The following EFCAB8 variants were observed in gnomAD, a reference collection of about 807,000 sequenced individuals.
EFCAB8 encodes EF-hand calcium-binding domain-containing protein 8.
In EFCAB8, 100 loss-of-function variants were observed where a neutral mutation model predicts 116.3. The ratio of observed to expected loss-of-function variants is 0.86; its 90% confidence interval spans 0.73 to 1.02. EFCAB8 has a LOEUF of 1.02. Among genes scored for constraint, EFCAB8 ranks in the 50% least tolerant of loss-of-function variants. The pLI is 0.00. For missense variants in EFCAB8, 1,320 were observed against 1,416.9 expected, an observed-to-expected ratio of 0.93 and a Z score of 1.10; for synonymous variants, 558 against 567.9, an observed-to-expected ratio of 0.98 and a Z score of 0.25.
At chr20:32,861,001 T>C (rs1984085500) in intron 1 of EFCAB8, among the ~76,000 whole-genome samples, 1 of 151,950 alleles carries the variant, frequency 6.6e-6, no homozygotes. Flanking sequence ...TGGCCTCAAG[T>C]GTTGGCATTA....
At chr20:32,938,612 A>T (rs1279296690) in intron 22 of EFCAB8, among the ~76,000 whole-genome samples, 1 of 149,918 alleles carries the variant, frequency 6.7e-6, no homozygotes. Flanking sequence ...TAAATATACA[A>T]AACCAATATA....
chr20:32,875,907 C>G lies in EFCAB8; in HGVS notation c.209-19C>G, dbSNP rs942427935. On this transcript the variant is annotated intron_variant, in intron 3 of 26. Transcript: ENST00000400522. ...GACTTGTGAGGAAGGGGATGATGCTCTCTGTTCTCTCTTTGAAGCCCTGGG... is the reference window on the plus strand; with the variant it reads ...GACTTGTGAGGAAGGGGATGATGCTGTCTGTTCTCTCTTTGAAGCCCTGGG... 17 of 1,549,200 alleles carry G rather than the reference C, an allele frequency of 1.1e-5. No individual in the cohort carries two copies. In the Admixed American group the frequency reaches 1.2e-4, roughly 11 times the overall value.
chr20:32,932,361 C>A lies in EFCAB8; in HGVS notation c.2790+1025C>A, dbSNP rs535369513. 2.1e-5 allele frequency among the ~76,000 whole-genome samples: 3 copies of A among 140,036 alleles called. No individual in the cohort carries two copies. The East Asian group carries it at 5.8e-4, about 27-fold the overall frequency. The allele number at this position is 140,036 out of a possible 152,430, so 91.9% of individuals were successfully genotyped here. ...CGTTGCCCTCCAGCCTGGGCGACAG[C>A]GTGTGACTCTGTCTCAAAAAAAAAA... On this transcript the variant is annotated intron_variant, in intron 22 of 26. Coordinates refer to ENST00000400522, the MANE Select transcript of EFCAB8 (RefSeq NM_001143967.2).
chr20:32,957,668 G>A (rs1203163376), intron 23 of EFCAB8, among the ~76,000 whole-genome samples: 13 of 152,008 alleles, frequency 8.6e-5, no homozygotes, highest in East Asian at 3.9e-4. Flanking sequence ...GCATTCAGGC[G>A]AGACTTAATT....
chr20:32,889,180 G>A (rs1985787261), intron 6 of EFCAB8, 121 bp from the exon 7 acceptor site: 2 of 780,308 alleles, frequency 2.6e-6, no homozygotes, highest in Non-Finnish European at 4.2e-6. Flanking sequence ...TAGTGGTAGT[G>A]CTAGGCTCCA....
At chr20:32,875,830 T>TC (rs1269090098) in intron 3 of EFCAB8, 96 bp from the exon 4 acceptor site, 4 of 1,089,638 alleles carry the variant, frequency 3.7e-6, no homozygotes, top group Non-Finnish European at 5.4e-6. Flanking sequence ...CTTCAGTGTG[T>TC]CCCCCTCAGC....
intron 20 of EFCAB8, 24 bp downstream of exon 20, chr20:32,920,239 A>G (rs1347933885): frequency 1.3e-6 from 2 of 1,550,742 alleles, no homozygotes; most frequent in Non-Finnish European, 1.7e-6. Flanking sequence ...AGCCAGGGAG[A>G]GGGATATGAG....
At chr20:32,953,333 A>G (rs1177272894) in intron 23 of EFCAB8, among the ~76,000 whole-genome samples, 4 of 152,172 alleles carry the variant, frequency 2.6e-5, no homozygotes, top group Admixed American at 1.3e-4. Context: ...ATTCTTTTGG[A>G]TAAATACCCA....
intron 3 of EFCAB8, among the ~76,000 whole-genome samples, chr20:32,869,701 G>A (rs1416710412): frequency 6.6e-6 from 1 of 152,112 alleles, no homozygotes; most frequent in African/African-American, 2.4e-5. Context: ...ACACAGTATG[G>A]GGGCTGCTTA....
At chr20:32,880,678 T>A (rs1985283642) in intron 5 of EFCAB8, among the ~76,000 whole-genome samples, 1 of 152,202 alleles carries the variant, frequency 6.6e-6, no homozygotes, top group Non-Finnish European at 1.5e-5. Flanking sequence ...TGGTTTATTA[T>A]AAAGAATATT....
chr20:32,890,281 C>T (rs1042635314), intron 7 of EFCAB8, among the ~76,000 whole-genome samples: 1 of 152,148 alleles, frequency 6.6e-6, no homozygotes, highest in Admixed American at 6.5e-5. Context: ...ATCCCTCCTG[C>T]CCCTCTCTCT....
At chr20:32,883,713 C>T (rs913767383) in intron 5 of EFCAB8, among the ~76,000 whole-genome samples, 8 of 151,058 alleles carry the variant, frequency 5.3e-5, no homozygotes, top group Admixed American at 2.6e-4. Flanking sequence ...TTTTTGGAGA[C>T]GGAGTCTCAC....
intron 23 of EFCAB8, among the ~76,000 whole-genome samples, chr20:32,955,269 G>A (rs1988928441): frequency 6.6e-6 from 1 of 152,242 alleles, no homozygotes; most frequent in African/African-American, 2.4e-5. Flanking sequence ...GCTGGGCTCA[G>A]TGGCTCATGC....
At chr20:32,950,509 C>A (rs1482992914) in intron 23 of EFCAB8, among the ~76,000 whole-genome samples, 1 of 152,114 alleles carries the variant, frequency 6.6e-6, no homozygotes. Context: ...AGGTTAGAGC[C>A]ACACTCTCTT....
In EFCAB8 at chr20:32,936,276, C is replaced by T. The variant is rs560953237; in HGVS notation, c.2790+4940C>T. ...GTTGAACTCTTGACCTCAGGCAATCCGCCTGACTCAGCCTCCCAAAGTGCT... is the reference window on the plus strand; with the variant it reads ...GTTGAACTCTTGACCTCAGGCAATCTGCCTGACTCAGCCTCCCAAAGTGCT... On this transcript the variant is annotated intron_variant, in intron 22 of 26. Coordinates refer to ENST00000400522, the MANE Select transcript of EFCAB8 (RefSeq NM_001143967.2). Among the ~76,000 whole-genome samples, 46 of 152,162 alleles carry T rather than the reference C, an allele frequency of 3.0e-4. 1 individual carries two copies. The South Asian group carries it at 8.3e-3, about 27-fold the overall frequency.
chr20:32,872,314 G>T (rs1408305328), intron 3 of EFCAB8, among the ~76,000 whole-genome samples: 1 of 152,122 alleles, frequency 6.6e-6, no homozygotes, highest in Admixed American at 6.5e-5. Context: ...TAGTCAGGGT[G>T]CATAAGGCAC....
At chr20:32,917,101 A>G (rs1375902780) in intron 17 of EFCAB8, 200 bp from the exon 18 acceptor site, 1 of 583,480 alleles carries the variant, frequency 1.7e-6, no homozygotes, top group Non-Finnish European at 3.1e-6. Context: ...TAAAGCCCCT[A>G]CAACAGGGCC....
chr20:32,862,105 T>A (rs1984145758), intron 1 of EFCAB8, among the ~76,000 whole-genome samples: 1 of 151,730 alleles, frequency 6.6e-6, no homozygotes, highest in Non-Finnish European at 1.5e-5. Flanking sequence ...TCCCCAGATT[T>A]CCAGATACTT....
At chr20:32,875,502 G>GTTGTTTTTTTTTTTTTTTT (rs1984916678) in intron 3 of EFCAB8, among the ~76,000 whole-genome samples, 1 of 89,890 alleles carries the variant, frequency 1.1e-5, no homozygotes, top group Non-Finnish European at 2.6e-5. Context: ...AAACATGGTG[G>GTTGTTTTTTTTTTTTTTTT]TTTTTTTTTT....
Sources: allele counts gnomAD v4.1 joint callset (sites outside exome capture counted in the v4.1 genomes callset), GRCh38; gene constraint gnomAD v4.1.1; transcripts MANE v1.5; gene names NCBI Gene and HGNC (gene_info 2026-07-23, HGNC 2026-07-21).